The following AMBRA1 variants were observed in gnomAD, a reference collection of about 807,000 sequenced individuals.
AMBRA1 encodes the protein autophagy and beclin 1 regulator 1, also known as activating molecule in BECN1-regulated autophagy protein 1.
AMBRA1 carries 47 observed loss-of-function variants against 125.4 expected under a neutral mutation model. The observed-to-expected ratio is 0.37, with a 90% CI of 0.30 to 0.48. The LOEUF (loss-of-function observed/expected upper bound fraction) is 0.48, where lower values mean the gene tolerates loss of function less well. Among genes scored for constraint, AMBRA1 ranks in the 20% least tolerant of loss-of-function variants. The probability of loss-of-function intolerance (pLI) is 0.99; values close to 1 mark genes in which losing one functional copy is unlikely to be tolerated. For synonymous variants in AMBRA1, 626 were observed against 655.5 expected, an observed-to-expected ratio of 0.95 and a Z score of 0.69; for missense variants, 1,331 against 1,693.4, an observed-to-expected ratio of 0.79 and a Z score of 3.76.
At chr11:46,564,332 T>G (rs2135249983) in intron 1 of AMBRA1, among the ~76,000 whole-genome samples, 1 of 152,162 alleles carries the variant, frequency 6.6e-6, no homozygotes, top group South Asian at 2.1e-4. Context: ...TTATCTAATA[T>G]TCATTGAACA....
intron 1 of AMBRA1, among the ~76,000 whole-genome samples, chr11:46,588,683 G>A (rs2044486822): frequency 6.6e-6 from 1 of 151,328 alleles, no homozygotes; most frequent in African/African-American, 2.4e-5. Flanking sequence ...GCTGAGGCAG[G>A]AGAATCGCTT....
chr11:46,515,466 G>A (rs959914608), intron 7 of AMBRA1, among the ~76,000 whole-genome samples: 2 of 150,728 alleles, frequency 1.3e-5, no homozygotes, highest in Non-Finnish European at 3.0e-5. Context: ...GAGTGAGACT[G>A]CATCTCAAAA....
intron 11 of AMBRA1, among the ~76,000 whole-genome samples, chr11:46,482,385 A>G (rs1590921220): frequency 6.6e-6 from 1 of 152,236 alleles, no homozygotes; most frequent in East Asian, 1.9e-4. Flanking sequence ...TTACCAGTCC[A>G]ACGGAAACCG....
chr11:46,407,758 A>G lies in AMBRA1; in HGVS notation c.3403+755T>C, dbSNP rs150508458. On this transcript the variant is annotated intron_variant, in intron 17 of 17. Transcript: ENST00000683756. ...GACGTGCACCGTGGCTTTTCCTCCC[A>G]TGGTCTCTTCTGGGCAAATGGCTCA... is the stretch of plus-strand genomic sequence containing the variant. 4.4e-3 allele frequency among the ~76,000 whole-genome samples: 673 copies of G among 152,166 alleles called. 6 individuals carry two copies. The highest frequency in any genetic ancestry group is 0.016 in the African/African-American group (645 of 41,504).
intron 17 of AMBRA1, among the ~76,000 whole-genome samples, chr11:46,403,532 C>T (rs542369593): frequency 6.6e-6 from 1 of 152,204 alleles, no homozygotes; most frequent in East Asian, 1.9e-4. Flanking sequence ...ATGCCCACTG[C>T]AAGCTAGGGA....
At chr11:46,408,787 C>A in intron 16 of AMBRA1, 81 bp from the exon 17 acceptor site, 1 of 1,362,468 alleles carries the variant, frequency 7.3e-7, no homozygotes. Flanking sequence ...CTGTGCCAAT[C>A]CTCAGGGCAG....
intron 1 of AMBRA1, among the ~76,000 whole-genome samples, chr11:46,551,027 G>A (rs2042977797): frequency 6.7e-6 from 1 of 149,506 alleles, no homozygotes; most frequent in South Asian, 2.1e-4. Flanking sequence ...AACCCGAGAG[G>A]CAGAGCTTGC....
In AMBRA1 at chr11:46,577,682, G is replaced by A. The variant is rs183660233; in HGVS notation, c.-121+16146C>T. Among the ~76,000 whole-genome samples, 18 of 152,268 alleles carry A rather than the reference G, an allele frequency of 1.2e-4. No individual in the cohort carries two copies. The East Asian group carries it at 3.3e-3, about 28-fold the overall frequency. On this transcript the variant is annotated intron_variant, in intron 1 of 17. Transcript: ENST00000683756. ...GAAAAAAAATTCAGCCAGGCGCGGTGGCTCATGCCTATAATGCCAGCACTT... is the reference window on the plus strand; with the variant it reads ...GAAAAAAAATTCAGCCAGGCGCGGTAGCTCATGCCTATAATGCCAGCACTT...
intron 1 of AMBRA1, among the ~76,000 whole-genome samples, chr11:46,556,952 C>T (rs1483183667): frequency 6.6e-6 from 1 of 152,022 alleles, no homozygotes; most frequent in South Asian, 2.1e-4. Context: ...GCCTGACCAA[C>T]ATGGAGAAAC....
intron 7 of AMBRA1, among the ~76,000 whole-genome samples, chr11:46,527,734 A>G (rs920797621): frequency 6.6e-6 from 1 of 152,100 alleles, no homozygotes; most frequent in Non-Finnish European, 1.5e-5. Context: ...GGAAATGCAA[A>G]GCAAAACCAC....
chr11:46,573,415 A>G (rs1034794581), intron 1 of AMBRA1, among the ~76,000 whole-genome samples: 2 of 150,954 alleles, frequency 1.3e-5, no homozygotes, highest in Non-Finnish European at 3.0e-5. Context: ...GAAAAACAAA[A>G]CAAAAAAAAA....
chr11:46,521,164 T>C (rs755140253), intron 7 of AMBRA1, among the ~76,000 whole-genome samples: 9 of 152,366 alleles, frequency 5.9e-5, no homozygotes, highest in East Asian at 1.9e-4. Context: ...ACAAGGTTGC[T>C]AGATGCCCAA....
chr11:46,494,252 T>A, intron 9 of AMBRA1, 48 bp from the exon 10 acceptor site: 1 of 1,480,670 alleles, frequency 6.8e-7, no homozygotes, highest in Non-Finnish European at 9.2e-7. Context: ...TAAGGAAGAA[T>A]CATCCACCAG....
chr11:46,569,465 A>ATATATATATATAT (rs1351666371), intron 1 of AMBRA1, among the ~76,000 whole-genome samples: 1 of 147,650 alleles, frequency 6.8e-6, no homozygotes, highest in African/African-American at 2.5e-5. Context: ...ATATATATAT[A>ATATATATATATAT]AAGTGCCAAG....
At chr11:46,519,011 C>A (rs1438697439) in intron 7 of AMBRA1, among the ~76,000 whole-genome samples, 2 of 151,698 alleles carry the variant, frequency 1.3e-5, no homozygotes, top group Admixed American at 6.6e-5. Context: ...AAGAAAAGAA[C>A]CTTCACTTCA....
In AMBRA1 at chr11:46,542,827, C is replaced by T. The variant is rs770129286; in HGVS notation, c.1190G>A (p.Gly397Glu). 1 of 1,613,970 alleles carries T rather than the reference C, an allele frequency of 6.2e-7. No homozygotes were observed. The highest frequency in any genetic ancestry group is 8.5e-7 in the Non-Finnish European group (1 of 1,179,988). The change falls in exon 7 of 18, where the codon GGG becomes GAG. Residue 397 changes from glycine to glutamate, a missense_variant. Around this residue, in one of 4 missense-constraint regions of AMBRA1, gnomAD observed 689 missense variants for 776.5 expected, o/e 0.89. Coordinates refer to ENST00000683756, the MANE Select transcript of AMBRA1 (RefSeq NM_001387011.1). This position sits in a 1 kb window ranked among gnomAD's most constrained non-coding sequence, Gnocchi z 5.9. ...CCTAGAAGGGTGGCTAGACAGAGGCCCTCCCAAAGAGCGGCGGGTAGGACC... is the reference window on the plus strand; with the variant it reads ...CCTAGAAGGGTGGCTAGACAGAGGCTCTCCCAAAGAGCGGCGGGTAGGACC... ...SLGPTRRSLG[G>E]PLSSHPSRYH...
At chr11:46,522,035 T>C (rs1015399867) in intron 7 of AMBRA1, among the ~76,000 whole-genome samples, 6 of 152,180 alleles carry the variant, frequency 3.9e-5, no homozygotes, top group Admixed American at 6.5e-5. Flanking sequence ...CAGTGAGCGA[T>C]AGATGGCAAA....
At chr11:46,422,121 G>A (rs141694769) in intron 14 of AMBRA1, among the ~76,000 whole-genome samples, 21 of 152,144 alleles carry the variant, frequency 1.4e-4, no homozygotes, top group Non-Finnish European at 2.8e-4. Context: ...CTATTACACC[G>A]GACGTATTAT....
chr11:46,462,219 C>T (rs530184703), intron 11 of AMBRA1, among the ~76,000 whole-genome samples: 21 of 152,292 alleles, frequency 1.4e-4, no homozygotes, highest in East Asian at 1.2e-3. Context: ...CAAGTGAGCA[C>T]GGCGGTGTAA....
Sources: allele counts gnomAD v4.1 joint callset (sites outside exome capture counted in the v4.1 genomes callset), GRCh38; gene constraint gnomAD v4.1.1; regional missense constraint gnomAD v4.1.1; non-coding constraint Gnocchi (gnomAD v3.1); transcripts MANE v1.5; gene names NCBI Gene and HGNC (gene_info 2026-07-23, HGNC 2026-07-21).